Variants in PPP4R3A observed in about 807,000 individuals in gnomAD.
PPP4R3A encodes the protein serine/threonine-protein phosphatase 4 regulatory subunit 3A.
In PPP4R3A, 15 loss-of-function variants were observed where a neutral mutation model predicts 91.7. The observed-to-expected ratio is 0.16, with a 90% CI of 0.11 to 0.25. The LOEUF is 0.25. Ranked by LOEUF, PPP4R3A falls within the 10% of genes least tolerant of loss-of-function variation. The pLI is 1.00. For synonymous variants in PPP4R3A, 377 were observed against 348.7 expected (o/e 1.08, Z -0.91); for missense variants, 623 against 998.4 (o/e 0.62, Z 5.07).
intron 5 of PPP4R3A, 41 bp from the exon 6 acceptor site, chr14:91,476,565 T>A (rs1889220812): frequency 7.9e-7 from 1 of 1,265,594 alleles, no homozygotes; most frequent in East Asian, 2.6e-5. Flanking sequence ...AAAAGTTTAT[T>A]TTATTTATTT....
At chr14:91,468,753 A>G (rs2140083255) in intron 10 of PPP4R3A, among the ~76,000 whole-genome samples, 1 of 148,618 alleles carries the variant, frequency 6.7e-6, no homozygotes, top group East Asian at 2.0e-4. Flanking sequence ...TTTTTACCCA[A>G]TTAACATCTT....
chr14:91,495,382 T>C (rs1890490674), intron 1 of PPP4R3A, among the ~76,000 whole-genome samples: 1 of 151,526 alleles, frequency 6.6e-6, no homozygotes, highest in East Asian at 1.9e-4. Context: ...TGGCGTGATC[T>C]GAGCTCACTG....
intron 10 of PPP4R3A, among the ~76,000 whole-genome samples, chr14:91,465,750 T>G (rs891602354): frequency 4.6e-5 from 7 of 152,190 alleles, no homozygotes; most frequent in African/African-American, 1.7e-4. Context: ...TCACACTACT[T>G]AAGATGAAAA....
At chr14:91,484,217 AACAG>A (rs766026253) in intron 3 of PPP4R3A, among the ~76,000 whole-genome samples, 2 of 152,266 alleles carry the variant, frequency 1.3e-5, no homozygotes, top group Non-Finnish European at 2.9e-5. Context: ...GGGACAGCTT[AACAG>A]ACAGGTTAAT....
In PPP4R3A at chr14:91,460,758, C is replaced by T. The variant is rs111800794; in HGVS notation, c.2391+623G>A. On this transcript the variant is annotated intron_variant, in intron 14 of 14. Coordinates refer to ENST00000554943, the MANE Select transcript of PPP4R3A (RefSeq NM_001366432.2). The stretch of plus-strand genomic sequence containing the variant: ...GCCTCAGCCTCCAGAGTAGCTGGGA[C>T]TACAGGCGCCCGCCACCACGCCTGG... Among the ~76,000 whole-genome samples the T allele has an allele frequency of 2.5e-3, 377 of 148,202 alleles. 2 individuals carry two copies. The highest frequency in any genetic ancestry group is 8.8e-3 in the African/African-American group (356 of 40,280).
Position 91,509,491 on chromosome 14 carries a change from C to T in PPP4R3A, c.142+15G>A, listed in dbSNP as rs763088002. ...TGGGGGCTGCGAGGGTCCCGCCGCG[C>T]GGGGCTTCACTTACCGTCGCTCTCA... On this transcript the variant is annotated intron_variant, in intron 1 of 14. Coordinates refer to ENST00000554943, the MANE Select transcript of PPP4R3A (RefSeq NM_001366432.2). 12 of 1,576,570 alleles carry T rather than the reference C, an allele frequency of 7.6e-6. No individual in the cohort carries two copies. In the East Asian group the frequency reaches 1.8e-4, roughly 24 times the overall value.
chr14:91,475,754 A>G, intron 7 of PPP4R3A, 57 bp downstream of exon 7: 1 of 1,485,680 alleles, frequency 6.7e-7, no homozygotes. Flanking sequence ...GTGAATAATA[A>G]AAACAGTTAT....
intron 1 of PPP4R3A, among the ~76,000 whole-genome samples, chr14:91,496,556 G>A (rs1890583064): frequency 6.6e-6 from 1 of 152,200 alleles, no homozygotes; most frequent in East Asian, 1.9e-4. Flanking sequence ...ATAAGAAAGA[G>A]GGAAAAAAAG....
At position 91,468,667 on chromosome 14, in the gene PPP4R3A, C is replaced by CAAAAAAAA. The variant is rs766250846; in HGVS notation, c.1660+2162_1660+2169dup. On this transcript the variant is annotated intron_variant, in intron 10 of 14. Coordinates refer to ENST00000554943, the MANE Select transcript of PPP4R3A (RefSeq NM_001366432.2). The stretch of plus-strand genomic sequence containing the variant: ...AAGGCGACAGAGTGAGACTCCGTCT[C>CAAAAAAAA]AAAAAAAAAAAAAAAAAAAAAAGGA... 7.8e-4 allele frequency among the ~76,000 whole-genome samples: 35 copies of CAAAAAAAA among 45,010 alleles called. 2 individuals carry two copies. Among genetic ancestry groups the CAAAAAAAA allele is most frequent in the South Asian group, 3.5e-3 (2 of 574 alleles). 29.5% of individuals were successfully genotyped at this position (45,010 alleles called of 152,430 possible). A position where few individuals can be genotyped will look rare whatever the true frequency, so the allele number is the denominator to read the frequency against.
intron 10 of PPP4R3A, among the ~76,000 whole-genome samples, chr14:91,469,458 T>G (rs1286325812): frequency 6.6e-6 from 1 of 152,232 alleles, no homozygotes; most frequent in Non-Finnish European, 1.5e-5. Flanking sequence ...GGCCTTGGTG[T>G]TCTCACTTTT....
chr14:91,507,581 T>C (rs897379934), intron 1 of PPP4R3A, among the ~76,000 whole-genome samples: 4 of 129,460 alleles, frequency 3.1e-5, no homozygotes, highest in African/African-American at 8.1e-5. Context: ...ATACATACTA[T>C]AGTTATATAT....
intron 1 of PPP4R3A, among the ~76,000 whole-genome samples, chr14:91,509,193 A>G: frequency 6.6e-6 from 1 of 152,224 alleles, no homozygotes; most frequent in East Asian, 1.9e-4. Context: ...CTAGTGCAAA[A>G]GAACAGCACA....
At chr14:91,504,708 A>G (rs1453822879) in intron 1 of PPP4R3A, among the ~76,000 whole-genome samples, 2 of 152,210 alleles carry the variant, frequency 1.3e-5, no homozygotes, top group African/African-American at 4.8e-5. Flanking sequence ...TGGGCCCAGA[A>G]GCTTAGTGGG....
At chr14:91,480,036 T>C (rs1889457338) in intron 4 of PPP4R3A, among the ~76,000 whole-genome samples, 1 of 152,202 alleles carries the variant, frequency 6.6e-6, no homozygotes, top group Admixed American at 6.5e-5. Flanking sequence ...CAAATTATTG[T>C]CTAGCTCTCA....
chr14:91,487,311 ACT>A (rs1266966735), intron 2 of PPP4R3A, among the ~76,000 whole-genome samples: 1 of 151,884 alleles, frequency 6.6e-6, no homozygotes, highest in East Asian at 1.9e-4. Flanking sequence ...AAATATACAT[ACT>A]GTTTGATAGC....
At chr14:91,464,006 C>T (rs1023485563) in intron 11 of PPP4R3A, among the ~76,000 whole-genome samples, 1 of 152,080 alleles carries the variant, frequency 6.6e-6, no homozygotes, top group African/African-American at 2.4e-5. Flanking sequence ...AGAGAGAACA[C>T]ACAACAGCCA....
chr14:91,469,380 C>G (rs1159810919), intron 10 of PPP4R3A, among the ~76,000 whole-genome samples: 4 of 152,144 alleles, frequency 2.6e-5, no homozygotes, highest in African/African-American at 9.7e-5. Context: ...CTTTTCCACA[C>G]TTGAACAAAA....
chr14:91,470,645 C>T (rs1039871746), intron 10 of PPP4R3A, among the ~76,000 whole-genome samples, 192 bp downstream of exon 10: 1 of 152,162 alleles, frequency 6.6e-6, no homozygotes, highest in Non-Finnish European at 1.5e-5. Context: ...TACTCCCTTA[C>T]TGTATATTAA....
intron 1 of PPP4R3A, among the ~76,000 whole-genome samples, chr14:91,500,879 A>G (rs1890904652): frequency 6.6e-6 from 1 of 152,114 alleles, no homozygotes; most frequent in African/African-American, 2.4e-5. Context: ...AAAAAATGCA[A>G]AAATTAGCTG....
Sources: allele counts gnomAD v4.1 joint callset (sites outside exome capture counted in the v4.1 genomes callset), GRCh38; gene constraint gnomAD v4.1.1; transcripts MANE v1.5; gene names NCBI Gene and HGNC (gene_info 2026-07-23, HGNC 2026-07-21).